PLA2G4D: variants seen among roughly 807,000 people sequenced by gnomAD.
PLA2G4D encodes the protein cytosolic phospholipase A2 delta.
Under a neutral mutation model 94.4 loss-of-function variants are expected in PLA2G4D, and 80 were observed. The ratio of observed to expected loss-of-function variants is 0.85; its 90% CI spans 0.71 to 1.02. The LOEUF is 1.02. PLA2G4D is among the 50% of genes least tolerant of loss of function. The pLI is 0.00. For missense variants in PLA2G4D, 1,050 were observed against 1,034.7 expected (o/e 1.01, Z -0.20); for synonymous variants, 438 against 440.9 (o/e 0.99, Z 0.08).
intron 17 of PLA2G4D, 66 bp downstream of exon 17, chr15:42,071,057 C>T: frequency 1.3e-6 from 2 of 1,578,068 alleles, no homozygotes; most frequent in Non-Finnish European, 8.6e-7. Context: ...AGGCCTCAGC[C>T]AGTCCCTGCC....
chr15:42,085,352 G>A (rs965817530), intron 5 of PLA2G4D, 139 bp downstream of exon 5: 75 of 1,106,122 alleles, frequency 6.8e-5, no homozygotes, highest in Non-Finnish European at 9.8e-5. Context: ...GAGAAGCCCC[G>A]CCCCACTCCC....
rs56012626 is a variant in PLA2G4D, at chr15:42,091,887, C to G, written c.45+2528G>C. Among the ~76,000 whole-genome samples, 1,057 of 152,338 alleles carry G rather than the reference C, an allele frequency of 6.9e-3. 14 individuals are homozygous for G. Among genetic ancestry groups the G allele is most frequent in the African/African-American group, 0.025 (1,026 of 41,572 alleles). On this transcript the variant is annotated intron_variant, in intron 1 of 19. Transcript: ENST00000290472. ...CGGCTACCAGGCAGGGAAGGGCCCC[C>G]TGTCCAGTGGACACGTGACCCACGT...
At chr15:42,072,115 T>G (rs1334876207) in intron 14 of PLA2G4D, among the ~76,000 whole-genome samples, 160 bp downstream of exon 14, 6 of 152,056 alleles carry the variant, frequency 3.9e-5, no homozygotes, top group Non-Finnish European at 8.8e-5. Context: ...CACTACCCAC[T>G]CTCAAGCACA....
intron 13 of PLA2G4D, among the ~76,000 whole-genome samples, chr15:42,076,660 G>A (rs1216354568): frequency 1.3e-5 from 2 of 152,126 alleles, no homozygotes; most frequent in Non-Finnish European, 2.9e-5. Context: ...GCAAAACTAT[G>A]ATAAATGTTC....
In PLA2G4D at chr15:42,071,241, G is replaced by A. The variant is rs1305226633; in HGVS notation, c.1758C>T (p.Ala586=). Reference sequence around the variant, plus strand: ...CTGTCAGGAAGCCTTTAAATGCCTGGGCCAGCGCCGTGCCTGGCTGCAGCC... The same window carrying A: ...CTGTCAGGAAGCCTTTAAATGCCTGAGCCAGCGCCGTGCCTGGCTGCAGCC... The part of the protein sequence containing the change: ...ASWLQPGTAL[A]QAFKGFLTGR... Residue 586 remains alanine, a synonymous_variant, in exon 17 of 20, where the codon GCC becomes GCT. Coordinates refer to ENST00000290472, the MANE Select transcript of PLA2G4D (RefSeq NM_178034.4). 5 of 1,611,222 alleles carry A rather than the reference G, an allele frequency of 3.1e-6. No individual in the cohort carries two copies. Among genetic ancestry groups the A allele is most frequent in the Non-Finnish European group, 4.2e-6 (5 of 1,179,276 alleles).
At chr15:42,080,963 T>C in intron 12 of PLA2G4D, 34 bp downstream of exon 12, 2 of 1,606,586 alleles carry the variant, frequency 1.2e-6, no homozygotes, top group Non-Finnish European at 1.7e-6. Context: ...TGGCCCCTGA[T>C]TGTCTCTGCC....
chr15:42,086,194 T>TTTCC lies in PLA2G4D; in HGVS notation c.387+18_387+19insGGAA. ...GGAAGAAGTGGGGCCCACGGGGACT[T>TTTCC]CCCCACCCACCCACCCACCTGGGGA... On this transcript the variant is annotated intron_variant, in intron 4 of 19. Coordinates refer to ENST00000290472, the MANE Select transcript of PLA2G4D (RefSeq NM_178034.4). 7.3e-7 allele frequency: 1 copy of TTTCC among 1,370,442 alleles called. No homozygotes were observed. Among genetic ancestry groups the TTTCC allele is most frequent in the South Asian group, 1.5e-5 (1 of 66,864 alleles). The allele number at this position is 1,370,442 out of a possible 1,614,324, so 84.9% of individuals were successfully genotyped here.
chr15:42,086,194 T>TGGGGGGGGGGGCG lies in PLA2G4D; in HGVS notation c.387+18_387+19insCGCCCCCCCCCCC. The TGGGGGGGGGGGCG allele has an allele frequency of 3.1e-5, 42 of 1,370,386 alleles. No homozygotes were observed. The highest frequency in any genetic ancestry group is 3.8e-5 in the Non-Finnish European group (40 of 1,043,034). The allele number at this position is 1,370,386 out of a possible 1,614,324, so 84.9% of individuals were successfully genotyped here. A position where few individuals can be genotyped will look rare whatever the true frequency, so the allele number is the denominator to read the frequency against. On this transcript the variant is annotated intron_variant, in intron 4 of 19. Transcript: ENST00000290472. ...GGAAGAAGTGGGGCCCACGGGGACT[T>TGGGGGGGGGGGCG]CCCCACCCACCCACCCACCTGGGGA...
intron 1 of PLA2G4D, among the ~76,000 whole-genome samples, chr15:42,089,553 C>G (rs1355876417): frequency 6.6e-6 from 1 of 152,206 alleles, no homozygotes; most frequent in African/African-American, 2.4e-5. Flanking sequence ...CTCTATAAAC[C>G]TTAAGCCTTA....
At chr15:42,085,865 C>A (rs1025193925) in intron 4 of PLA2G4D, among the ~76,000 whole-genome samples, 2 of 152,290 alleles carry the variant, frequency 1.3e-5, no homozygotes, top group African/African-American at 4.8e-5. Context: ...GGGCCCAGAC[C>A]CCCGAACTCT....
At chr15:42,093,195 C>T (rs1384650388) in intron 1 of PLA2G4D, among the ~76,000 whole-genome samples, 2 of 152,344 alleles carry the variant, frequency 1.3e-5, no homozygotes, top group Non-Finnish European at 2.9e-5. Context: ...CAGGAACCGA[C>T]TTGAAGGCTG....
At position 42,068,332 on chromosome 15, in the gene PLA2G4D, G is replaced by A; in HGVS notation, c.*383C>T. ...GGAGGCAATGTGTTCAGGATGTCTTGTGATTCCCGAGGCCTGAAGCCACCT... is the reference window on the plus strand; with the variant it reads ...GGAGGCAATGTGTTCAGGATGTCTTATGATTCCCGAGGCCTGAAGCCACCT... On this transcript the variant is annotated 3_prime_UTR_variant, in exon 20 of 20. Coordinates refer to ENST00000290472, the MANE Select transcript of PLA2G4D (RefSeq NM_178034.4). 1 of 219,600 alleles carries A rather than the reference G, an allele frequency of 4.6e-6. No homozygotes were observed. Among genetic ancestry groups the A allele is most frequent in the Non-Finnish European group, 9.1e-6 (1 of 109,352 alleles). The allele number at this position is 219,600 out of a possible 1,614,324, so 13.6% of individuals were successfully genotyped here.
Position 42,079,738 on chromosome 15 carries a change from C to T in PLA2G4D, c.1116G>A (p.Gly372=), listed in dbSNP as rs1209566341. The T allele has an allele frequency of 1.2e-6, 2 of 1,601,938 alleles. No homozygotes were observed. The highest frequency in any genetic ancestry group is 1.1e-5 in the South Asian group (1 of 89,082). Residue 372 remains glycine, a synonymous_variant, in exon 13 of 20, where the codon GGG becomes GGA. Coordinates refer to ENST00000290472, the MANE Select transcript of PLA2G4D (RefSeq NM_178034.4). ...GGTCCCTCTGCGACCACTCAGGGTC[C>T]CCGTACAGGTGGGCCATTGTCCTGG... ...GSTWTMAHLY[G]DPEWSQRDLE...
intron 1 of PLA2G4D, among the ~76,000 whole-genome samples, chr15:42,090,421 G>A (rs895711867): frequency 3.3e-5 from 5 of 152,340 alleles, no homozygotes; most frequent in Admixed American, 2.6e-4. Context: ...AGCAGAGCTC[G>A]TATTTACATG....
chr15:42,082,258 C>T, intron 9 of PLA2G4D, 21 bp downstream of exon 9: 1 of 1,579,072 alleles, frequency 6.3e-7, no homozygotes, highest in Non-Finnish European at 8.7e-7. Flanking sequence ...TGGCATTTCC[C>T]ATCCAGTTGA....
chr15:42,086,194 T>TGGGGGGGGGGGGCG lies in PLA2G4D; in HGVS notation c.387+18_387+19insCGCCCCCCCCCCCC. ...GGAAGAAGTGGGGCCCACGGGGACT[T>TGGGGGGGGGGGGCG]CCCCACCCACCCACCCACCTGGGGA... On this transcript the variant is annotated intron_variant, in intron 4 of 19. Transcript: ENST00000290472. The TGGGGGGGGGGGGCG allele has an allele frequency of 2.6e-5, 36 of 1,370,396 alleles. No homozygotes were observed. Among genetic ancestry groups the TGGGGGGGGGGGGCG allele is most frequent in the African/African-American group, 3.1e-5 (2 of 64,352 alleles). The allele number at this position is 1,370,396 out of a possible 1,614,324, so 84.9% of individuals were successfully genotyped here.
Position 42,072,273 on chromosome 15 carries a change from AC to A in PLA2G4D, c.1435+1del, listed in dbSNP as rs1889841103. The A allele has an allele frequency of 6.2e-7, 1 of 1,611,600 alleles. No individual in the cohort carries two copies. ...GTGGGAGGGGAGTAGGTAGAACTGT[AC>A]CCTTGAAGTCCAGTGTCTCCAGATT... On this transcript the variant is annotated splice_donor_variant, in intron 14 of 19. Transcript: ENST00000290472. LOFTEE classifies it high-confidence loss of function.
rs753749872 is a variant in PLA2G4D, at chr15:42,081,615, C to A, written c.822-1G>T. 3 of 1,613,928 alleles carry A rather than the reference C, an allele frequency of 1.9e-6. No homozygotes were observed. Among genetic ancestry groups the A allele is most frequent in the African/African-American group, 2.7e-5 (2 of 75,070 alleles). On this transcript the variant is annotated splice_acceptor_variant, in intron 10 of 19. Coordinates refer to ENST00000290472, the MANE Select transcript of PLA2G4D (RefSeq NM_178034.4). LOFTEE classifies it high-confidence loss of function. The stretch of plus-strand genomic sequence containing the variant: ...CAGGTGCACGGCCAGCTCCTCAGGG[C>A]TGTGGCAATGGAGGATCCAGGGGTC...
At chr15:42,071,716 T>G (rs1259704378) in intron 15 of PLA2G4D, 58 bp downstream of exon 15, 2 of 1,293,702 alleles carry the variant, frequency 1.5e-6, no homozygotes, top group African/African-American at 1.6e-5. Flanking sequence ...ACAGGACCCA[T>G]GTCCATTCAG....
Sources: allele counts gnomAD v4.1 joint callset (sites outside exome capture counted in the v4.1 genomes callset), GRCh38; gene constraint gnomAD v4.1.1; transcripts MANE v1.5; gene names NCBI Gene and HGNC (gene_info 2026-07-23, HGNC 2026-07-21).